The following CIZ1 variants were observed in gnomAD, a reference collection of about 807,000 sequenced individuals.
CIZ1 encodes cip1-interacting zinc finger protein.
In CIZ1, 58 loss-of-function variants were observed where a neutral mutation model predicts 118.6. That is an observed-to-expected ratio of 0.49 (90% CI 0.40 to 0.61). The LOEUF (loss-of-function observed/expected upper bound fraction) is 0.61, where lower values mean the gene tolerates loss of function less well. Among genes scored for constraint, CIZ1 ranks in the 20% least tolerant of loss-of-function variants. The probability of loss-of-function intolerance (pLI) is 0.00; values close to 1 mark genes in which losing one functional copy is unlikely to be tolerated. For missense variants in CIZ1, 921 were observed against 1,115.9 expected (o/e 0.83, Z 2.49); for synonymous variants, 448 against 443.4 (o/e 1.01, Z -0.13).
chr9:128,197,694 T>TA (rs1437970548), intron 1 of CIZ1: 2 of 152,264 alleles, frequency 1.3e-5, no homozygotes, highest in African/African-American at 4.8e-5. Context: ...TCTCCTCCCT[T>TA]ACCGCATCCA....
At chr9:128,198,905 A>G (rs1833442980) in intron 1 of CIZ1, among the ~76,000 whole-genome samples, 1 of 152,094 alleles carries the variant, frequency 6.6e-6, no homozygotes, top group Admixed American at 6.5e-5. Context: ...GGAGAAAACC[A>G]TCGATTACCA....
At chr9:128,187,035 G>A (rs1832468684) in intron 4 of CIZ1, among the ~76,000 whole-genome samples, 1 of 151,440 alleles carries the variant, frequency 6.6e-6, no homozygotes, top group African/African-American at 2.4e-5. Context: ...TGCCTCCTGG[G>A]TTCAAGTGAT....
In CIZ1 at chr9:128,166,338, G is replaced by A. The variant is rs770351790; in HGVS notation, c.2556C>T (p.Ala852=). 1.7e-5 allele frequency: 27 copies of A among 1,565,366 alleles called. No individual in the cohort carries two copies. The highest frequency in any genetic ancestry group is 4.1e-5 in the African/African-American group (3 of 73,842). The change falls in exon 17 of 17, where the codon GCC becomes GCT. Residue 852 remains alanine (A), a synonymous_variant. Coordinates refer to ENST00000372938, the MANE Select transcript of CIZ1 (RefSeq NM_001131016.2). This position sits in a 1 kb window ranked among gnomAD's most constrained non-coding sequence, Gnocchi z 4.4. ...TGAACAGGGCTGTCAAAGCGTTCCG[G>A]GCGTTGATTGCGCACCGGCGGCTCA... ...RPVSRRCAIN[A]RNALTALFTS... is the part of the protein sequence containing the mutation.
Position 128,178,872 on chromosome 9 carries a change from T to G in CIZ1, c.1335A>C (p.Pro445=). 6 of 1,614,242 alleles carry G rather than the reference T, an allele frequency of 3.7e-6. No individual in the cohort carries two copies. The highest frequency in any genetic ancestry group is 5.1e-6 in the Non-Finnish European group (6 of 1,180,034). The change falls in exon 8 of 17, where the codon CCA becomes CCC. Residue 445 remains proline (P), a synonymous_variant. Coordinates refer to ENST00000372938, the MANE Select transcript of CIZ1 (RefSeq NM_001131016.2). ...VHTQAQPSVQ[P]QEHPPAQVSV... ...ACACCTGCGCTGGAGGATGCTCCTG[T>G]GGCTGGACGCTTGGCTGTGCCTGTG...
chr9:128,191,851 C>A (rs1833196442), upstream of CIZ1: 1 of 1,480,384 alleles, frequency 6.8e-7, no homozygotes, highest in Admixed American at 2.2e-5. This position sits in a 1 kb window ranked among gnomAD's most constrained non-coding sequence, Gnocchi z 5.5. Flanking sequence ...TGTTCCCAAC[C>A]CACCTCCCTG....
Position 128,176,458 on chromosome 9 carries a change from CAT to C in CIZ1, c.1834_1835del (p.Met612ValfsTer36). On this transcript the variant is annotated frameshift_variant, in exon 11 of 17. Transcript: ENST00000372938. LOFTEE classifies it high-confidence loss of function. ...GCCGCTGCTGGTGCTGAGGCTCCGA[CAT>C]GTGGTCCTGGAACTCCTGCAGCAGG... ...CSSQQEFQDH[M>X]SEPQHQQRLG... 1 of 1,613,524 alleles carries C rather than the reference CAT, an allele frequency of 6.2e-7. No homozygotes were observed. The highest frequency in any genetic ancestry group is 8.5e-7 in the Non-Finnish European group (1 of 1,179,926).
At chr9:128,168,314 G>A (rs1215770243) in intron 14 of CIZ1, among the ~76,000 whole-genome samples, 2 of 152,094 alleles carry the variant, frequency 1.3e-5, no homozygotes, top group Non-Finnish European at 2.9e-5. Context: ...TCAGGAGTTC[G>A]AGACCAGCCT....
At chr9:128,197,576 A>G (rs1833406826) in intron 1 of CIZ1, 1 of 152,402 alleles carries the variant, frequency 6.6e-6, no homozygotes, top group South Asian at 2.1e-4. Context: ...AATGGGCACG[A>G]CCTTGTTGCT....
In CIZ1 at chr9:128,191,391, G is replaced by C; in HGVS notation, c.-6+41C>G. 1 of 788,136 alleles carries C rather than the reference G, an allele frequency of 1.3e-6. No individual in the cohort carries two copies. The highest frequency in any genetic ancestry group is 1.9e-5 in the African/African-American group (1 of 53,816). The allele number at this position is 788,136 out of a possible 1,614,324, so 48.8% of individuals were successfully genotyped here. On this transcript the variant is annotated intron_variant, in intron 1 of 16. Transcript: ENST00000372938. This position sits in a 1 kb window ranked among gnomAD's most constrained non-coding sequence, Gnocchi z 5.5. ...CCTCCTCCGCAGACACAGCCAGCTC[G>C]CAGGCGGAGCCCCACGACCCAGCCG...
In CIZ1 at chr9:128,203,728, G is replaced by C; in HGVS notation, c.-6+458C>G. On this transcript the variant is annotated intron_variant, in intron 1 of 17. Transcript: ENST00000372948. This position sits in a 1 kb window ranked among gnomAD's most constrained non-coding sequence, Gnocchi z 5.3. ...ACGGCGCGGCGACCTCGCAGCCCCC[G>C]ACGCTGCACCCGCGGCCGGCGCGCC... The C allele has an allele frequency of 8.5e-7, 1 of 1,177,400 alleles. No homozygotes were observed. The highest frequency in any genetic ancestry group is 3.5e-5 in the East Asian group (1 of 28,284). The allele number at this position is 1,177,400 out of a possible 1,614,324, so 72.9% of individuals were successfully genotyped here.
At chr9:128,198,957 C>T (rs1833444430) in intron 1 of CIZ1, among the ~76,000 whole-genome samples, 1 of 152,100 alleles carries the variant, frequency 6.6e-6, no homozygotes, top group Admixed American at 6.6e-5. Flanking sequence ...AGCTCTGAGT[C>T]ACACTGACAA....
chr9:128,170,290 T>C (rs1009997749), intron 11 of CIZ1, among the ~76,000 whole-genome samples, 183 bp from the exon 12 acceptor site: 1 of 152,172 alleles, frequency 6.6e-6, no homozygotes, highest in Non-Finnish European at 1.5e-5. Context: ...CAGGAAACTT[T>C]AGGGGGAAGG....
At position 128,179,187 on chromosome 9, in the gene CIZ1, C is replaced by A; in HGVS notation, c.1020G>T (p.Lys340Asn). 6.2e-7 allele frequency: 1 copy of A among 1,614,148 alleles called. No individual in the cohort carries two copies. The highest frequency in any genetic ancestry group is 1.1e-5 in the South Asian group (1 of 91,088). The change falls in exon 8 of 17, where the codon AAG becomes AAT. Residue 340 changes from lysine to asparagine, a missense_variant. Coordinates refer to ENST00000372938, the MANE Select transcript of CIZ1 (RefSeq NM_001131016.2). The stretch of plus-strand genomic sequence containing the variant: ...TCTGTGTTTGCGCCTGCTTCTGCAG[C>A]TTTGGCTGCACCTGGGTGTCTGTGG... ...IPSTDTQVQP[K>N]LQKQAQTQTS...
At chr9:128,199,730 A>G (rs1401307408) in intron 1 of CIZ1, among the ~76,000 whole-genome samples, 1 of 151,876 alleles carries the variant, frequency 6.6e-6, no homozygotes, top group Admixed American at 6.6e-5. Flanking sequence ...AAAAAAACAA[A>G]AACAAAAAAG....
chr9:128,202,113 A>C (rs1165166155), intron 1 of CIZ1, among the ~76,000 whole-genome samples: 4 of 152,194 alleles, frequency 2.6e-5, no homozygotes, highest in Non-Finnish European at 5.9e-5. Context: ...TCACTGCTTT[A>C]TCTCTGGAGT....
chr9:128,180,625 C>G, intron 6 of CIZ1, 96 bp downstream of exon 6: 1 of 1,350,786 alleles, frequency 7.4e-7, no homozygotes, highest in Non-Finnish European at 1.0e-6. Flanking sequence ...ACCAAGAACC[C>G]CTGCCTCCCA....
rs961554001 is a variant in CIZ1, at chr9:128,190,680, G to A, written c.170+8C>T. Reference sequence around the variant, plus strand: ...GCTGAAGCCATCGCGCCCGAGAGGGGAACTCACCGGCTGACAGCCATGGGC... The same window carrying A: ...GCTGAAGCCATCGCGCCCGAGAGGGAAACTCACCGGCTGACAGCCATGGGC... On this transcript the variant is annotated splice_region_variant and intron_variant, in intron 2 of 16. Transcript: ENST00000372938. 2 of 1,551,272 alleles carry A rather than the reference G, an allele frequency of 1.3e-6. No individual in the cohort carries two copies. Among genetic ancestry groups the A allele is most frequent in the Non-Finnish European group, 1.7e-6 (2 of 1,149,318 alleles).
At position 128,191,557 on chromosome 9, in the gene CIZ1, C is replaced by A; in HGVS notation, c.-131G>T. The A allele has an allele frequency of 1.9e-6, 2 of 1,077,954 alleles. No individual in the cohort carries two copies. The highest frequency in any genetic ancestry group is 2.2e-6 in the Non-Finnish European group (2 of 889,648). 66.8% of individuals were successfully genotyped at this position (1,077,954 alleles called of 1,614,324 possible). Reference sequence around the variant, plus strand: ...CGGCCTCCCCGCTGCTACTCCGGGGCCTGTGGGCTCGTAAGGCCCAAATGC... The same window carrying A: ...CGGCCTCCCCGCTGCTACTCCGGGGACTGTGGGCTCGTAAGGCCCAAATGC... On this transcript the variant is annotated 5_prime_UTR_variant, in exon 1 of 17. Transcript: ENST00000372938. This position sits in a 1 kb window ranked among gnomAD's most constrained non-coding sequence, Gnocchi z 5.5.
chr9:128,183,440 C>T (rs139283527), intron 5 of CIZ1, among the ~76,000 whole-genome samples: 54 of 152,344 alleles, frequency 3.5e-4, no homozygotes, highest in African/African-American at 1.0e-3. Flanking sequence ...GGCGGGGCCC[C>T]TCGCTGAAGG....
Sources: gnomAD v4.1 joint callset for allele counts (sites outside exome capture counted in the v4.1 genomes callset) on GRCh38, gnomAD v4.1.1 for gene constraint, Gnocchi (gnomAD v3.1) non-coding constraint, MANE v1.5 for transcripts, NCBI Gene and HGNC (gene_info 2026-07-23, HGNC 2026-07-21) for gene names.